OLFM3: variants seen among roughly 807,000 people sequenced by gnomAD.
The protein encoded by OLFM3 is olfactomedin 3.
In OLFM3, 20 loss-of-function variants were observed where a neutral mutation model predicts 48.6. That is an observed-to-expected ratio of 0.41 (90% CI 0.29 to 0.60). OLFM3 has a LOEUF of 0.60. Among genes scored for constraint, OLFM3 ranks in the 20% least tolerant of loss-of-function variants. OLFM3 has a pLI of 0.28. For synonymous variants in OLFM3, 222 were observed against 198.1 expected (o/e 1.12, Z -1.01); for missense variants, 437 against 544.3 (o/e 0.80, Z 1.96).
intron 1 of OLFM3, among the ~76,000 whole-genome samples, chr1:101,951,281 A>G (rs1360376672): frequency 6.6e-6 from 1 of 152,224 alleles, no homozygotes; most frequent in Non-Finnish European, 1.5e-5. Context: ...ATAATTTATA[A>G]CATTTTTCAC....
At chr1:101,954,474 G>A (rs551731473) in intron 1 of OLFM3, among the ~76,000 whole-genome samples, 5 of 152,064 alleles carry the variant, frequency 3.3e-5, no homozygotes, top group Non-Finnish European at 7.4e-5. Context: ...ACTGTTTCTT[G>A]CTTGTAATGA....
At chr1:101,832,992 T>TA (rs892244275) in intron 2 of OLFM3, among the ~76,000 whole-genome samples, 11 of 152,110 alleles carry the variant, frequency 7.2e-5, no homozygotes, top group South Asian at 4.2e-4. Context: ...CCATTTGCAT[T>TA]AAAAAAAACT....
chr1:101,949,713 G>A (rs923478885), intron 1 of OLFM3, among the ~76,000 whole-genome samples: 2 of 152,018 alleles, frequency 1.3e-5, no homozygotes, highest in African/African-American at 4.8e-5. Flanking sequence ...GGTGGATCAC[G>A]AGGTCAGGAG....
chr1:101,923,279 G>T (rs1399656573), intron 1 of OLFM3, among the ~76,000 whole-genome samples: 1 of 152,102 alleles, frequency 6.6e-6, no homozygotes, highest in African/African-American at 2.4e-5. Context: ...TTGAATATTT[G>T]CTCCCGAATA....
chr1:101,927,277 C>T (rs532171938), intron 1 of OLFM3, among the ~76,000 whole-genome samples: 12 of 152,014 alleles, frequency 7.9e-5, no homozygotes, highest in African/African-American at 1.7e-4. Flanking sequence ...ACTTGTCTTT[C>T]GAATATTTTG....
At chr1:101,988,459 G>C (rs115851777) in intron 1 of OLFM3, among the ~76,000 whole-genome samples, 1 of 152,082 alleles carries the variant, frequency 6.6e-6, no homozygotes, top group Non-Finnish European at 1.5e-5. Context: ...GATTTTTGGC[G>C]TAAGTCAAGA....
At chr1:101,953,244 T>C (rs531908803) in intron 1 of OLFM3, among the ~76,000 whole-genome samples, 2 of 152,276 alleles carry the variant, frequency 1.3e-5, no homozygotes, top group East Asian at 1.9e-4. Flanking sequence ...GTATTTCTAC[T>C]GGACAGCAGT....
intron 1 of OLFM3, among the ~76,000 whole-genome samples, chr1:101,967,878 T>TC (rs200125999): frequency 0.015 from 2,330 of 152,170 alleles, 52 homozygotes; most frequent in African/African-American, 0.053. Flanking sequence ...AGAGTATTCT[T>TC]CCGCCCCCAG....
intron 2 of OLFM3, among the ~76,000 whole-genome samples, chr1:101,836,068 A>G (rs74106135): frequency 0.017 from 2,620 of 152,304 alleles, 70 homozygotes; most frequent in African/African-American, 0.059. Context: ...CACAGAGTCA[A>G]TTGTTAAGCA....
At chr1:101,927,482 T>A (rs991713773) in intron 1 of OLFM3, among the ~76,000 whole-genome samples, 4 of 151,984 alleles carry the variant, frequency 2.6e-5, no homozygotes, top group Non-Finnish European at 5.9e-5. Context: ...GATTATCTGG[T>A]AAGAAGATAA....
At chr1:101,853,162 T>C (rs575543670) in intron 1 of OLFM3, among the ~76,000 whole-genome samples, 167 of 152,186 alleles carry the variant, frequency 1.1e-3, no homozygotes, top group Non-Finnish European at 2.0e-3. Context: ...CCTCCTCTTA[T>C]CACTCTGATT....
intron 1 of OLFM3, 147 bp downstream of exon 1, chr1:101,996,601 T>C: frequency 1.3e-6 from 1 of 765,946 alleles, no homozygotes; most frequent in Non-Finnish European, 2.2e-6. Context: ...CCTTGTTATG[T>C]TCCAAGCAGT....
chr1:101,993,929 T>A (rs1465696558), intron 1 of OLFM3, among the ~76,000 whole-genome samples: 4 of 145,862 alleles, frequency 2.7e-5, no homozygotes, highest in African/African-American at 1.0e-4. Flanking sequence ...AAATGCCATA[T>A]AAGACCTGTA....
chr1:101,863,484 T>C (rs995069656), intron 1 of OLFM3, among the ~76,000 whole-genome samples: 2 of 152,208 alleles, frequency 1.3e-5, no homozygotes, highest in African/African-American at 4.8e-5. Flanking sequence ...TCTTATGATA[T>C]GCTTTCAGAG....
intron 1 of OLFM3, among the ~76,000 whole-genome samples, chr1:101,851,312 C>A (rs879506285): frequency 2.6e-5 from 4 of 152,050 alleles, no homozygotes; most frequent in Non-Finnish European, 4.4e-5. Context: ...GATAGAAGCA[C>A]CAATGTGAAA....
chr1:101,813,131 C>T, intron 4 of OLFM3: 1 of 1,283,152 alleles, frequency 7.8e-7, no homozygotes, highest in Non-Finnish European at 1.0e-6. Flanking sequence ...TTCTTCTTTT[C>T]TCTTTTTTAA....
chr1:101,955,638 C>T (rs563860372), intron 1 of OLFM3, among the ~76,000 whole-genome samples: 8 of 152,000 alleles, frequency 5.3e-5, no homozygotes, highest in African/African-American at 1.9e-4. Flanking sequence ...GTTCCCCTTG[C>T]TGAAGTCTTC....
At chr1:101,918,681 T>G (rs1570629986) in intron 1 of OLFM3, among the ~76,000 whole-genome samples, 3 of 152,222 alleles carry the variant, frequency 2.0e-5, no homozygotes, top group East Asian at 3.9e-4. Context: ...AGTTTTTTTG[T>G]CCATGTAAAA....
chr1:101,933,751 C>G (rs990170026), intron 1 of OLFM3, among the ~76,000 whole-genome samples: 4 of 151,992 alleles, frequency 2.6e-5, no homozygotes, highest in Non-Finnish European at 4.4e-5. Context: ...CCCCATCAGG[C>G]TAACAGTGGA....
Sources: allele counts gnomAD v4.1 joint callset (sites outside exome capture counted in the v4.1 genomes callset), GRCh38; gene constraint gnomAD v4.1.1; transcripts MANE v1.5; gene names NCBI Gene and HGNC (gene_info 2026-07-23, HGNC 2026-07-21).